BMPER: variants seen among roughly 807,000 people sequenced by gnomAD.
The protein encoded by BMPER is BMP binding endothelial regulator.
A neutral mutation model predicts 87.3 loss-of-function variants in BMPER; 45 were observed. That is an observed-to-expected ratio of 0.52 (90% CI 0.41 to 0.66). The LOEUF (loss-of-function observed/expected upper bound fraction) is 0.66, where lower values mean the gene tolerates loss of function less well. BMPER is among the 30% of genes least tolerant of loss of function. The pLI is 0.00. For missense variants in BMPER, 784 were observed against 867.5 expected, an observed-to-expected ratio of 0.90 and a Z score of 1.21; for synonymous variants, 326 against 316.2, an observed-to-expected ratio of 1.03 and a Z score of -0.33.
intron 13 of BMPER, among the ~76,000 whole-genome samples, chr7:34,130,008 AATG>A (rs2127991418): frequency 6.6e-6 from 1 of 152,158 alleles, no homozygotes; most frequent in Admixed American, 6.5e-5. Context: ...GGCTACTAGC[AATG>A]ATAAGTGAAT....
chr7:34,084,576 A>G (rs1385742454), intron 12 of BMPER, among the ~76,000 whole-genome samples: 2 of 152,324 alleles, frequency 1.3e-5, no homozygotes, highest in African/African-American at 4.8e-5. Context: ...CACATTTGAG[A>G]CATAAACAAA....
intron 6 of BMPER, among the ~76,000 whole-genome samples, chr7:34,020,900 A>G (rs1342358170): frequency 6.6e-6 from 1 of 150,624 alleles, no homozygotes; most frequent in South Asian, 2.1e-4. Flanking sequence ...ACGCACGCAC[A>G]CACACATATG....
Position 34,155,897 on chromosome 7 carries a change from C to T in BMPER, c.*2624C>T, listed in dbSNP as rs1030288128. 27 of 152,160 alleles carry T rather than the reference C, an allele frequency of 1.8e-4. No homozygotes were observed. The highest frequency in any genetic ancestry group is 4.6e-4 in the African/African-American group (19 of 41,436). The allele number at this position is 152,160 out of a possible 1,614,324, so 9.4% of individuals were successfully genotyped here. ...GAATTTGATGAGAAACAAGCACCCTCAATGAAGAACAAGCATAATTATGAT... is the reference window on the plus strand; with the variant it reads ...GAATTTGATGAGAAACAAGCACCCTTAATGAAGAACAAGCATAATTATGAT... On this transcript the variant is annotated 3_prime_UTR_variant, in exon 15 of 15. Coordinates refer to ENST00000649409, the MANE Select transcript of BMPER (RefSeq NM_001365308.1).
At chr7:34,002,646 A>C (rs1258672408) in intron 6 of BMPER, among the ~76,000 whole-genome samples, 2 of 151,626 alleles carry the variant, frequency 1.3e-5, no homozygotes, top group Non-Finnish European at 3.0e-5. Context: ...TTATTTTTGT[A>C]GTTTCTTTCT....
intron 13 of BMPER, among the ~76,000 whole-genome samples, chr7:34,116,944 G>A (rs1333917877): frequency 1.3e-5 from 2 of 151,548 alleles, no homozygotes; most frequent in Non-Finnish European, 2.9e-5. Flanking sequence ...ATCTGAGATC[G>A]CTCCACTGCA....
upstream of BMPER, chr7:33,905,486 C>T (rs1783785234): frequency 2.4e-6 from 3 of 1,260,880 alleles, no homozygotes; most frequent in Non-Finnish European, 3.2e-6. Context: ...CTCGGGCGCC[C>T]GCCTCCCTCC....
intron 6 of BMPER, among the ~76,000 whole-genome samples, chr7:33,996,496 C>T (rs1786415566): frequency 6.6e-6 from 1 of 152,182 alleles, no homozygotes; most frequent in African/African-American, 2.4e-5. Context: ...AATTATTGCC[C>T]TTCATACAGA....
At chr7:34,086,275 G>T (rs1212216636) in intron 13 of BMPER, among the ~76,000 whole-genome samples, 183 bp downstream of exon 13, 1 of 152,158 alleles carries the variant, frequency 6.6e-6, no homozygotes, top group East Asian at 1.9e-4. Flanking sequence ...CCCAAATTGG[G>T]AAATTCAAAG....
intron 7 of BMPER, among the ~76,000 whole-genome samples, chr7:34,049,414 GTCAA>G (rs1320991494): frequency 6.6e-6 from 1 of 152,160 alleles, no homozygotes; most frequent in African/African-American, 2.4e-5. Context: ...GAGTCTGTTT[GTCAA>G]TCAGTCAATA....
intron 13 of BMPER, 82 bp from the exon 14 acceptor site, chr7:34,143,142 CCCATCT>C: frequency 1.3e-6 from 2 of 1,580,148 alleles, no homozygotes; most frequent in Non-Finnish European, 1.7e-6. Flanking sequence ...ATCAGGTTTT[CCCATCT>C]ACGACCCTTT....
At chr7:33,922,445 G>C (rs1784256793) in intron 2 of BMPER, among the ~76,000 whole-genome samples, 1 of 152,198 alleles carries the variant, frequency 6.6e-6, no homozygotes, top group East Asian at 1.9e-4. Context: ...ATGGCAGTTA[G>C]ACATTTGCAG....
chr7:34,030,153 A>G (rs182909650), intron 6 of BMPER, among the ~76,000 whole-genome samples: 2 of 152,188 alleles, frequency 1.3e-5, no homozygotes, highest in East Asian at 3.9e-4. Context: ...TATCATATAT[A>G]TATAGGTGGG....
At chr7:33,942,795 T>A (rs1784800229) in intron 3 of BMPER, among the ~76,000 whole-genome samples, 1 of 152,182 alleles carries the variant, frequency 6.6e-6, no homozygotes, top group African/African-American at 2.4e-5. Context: ...TTTGCTGTCT[T>A]CCTATTTTGA....
At chr7:34,092,134 C>A (rs968839799) in intron 13 of BMPER, among the ~76,000 whole-genome samples, 1 of 152,138 alleles carries the variant, frequency 6.6e-6, no homozygotes, top group Non-Finnish European at 1.5e-5. Flanking sequence ...CACTTACAGT[C>A]AAAGTGTGCA....
intron 6 of BMPER, among the ~76,000 whole-genome samples, chr7:33,987,906 G>A (rs1405345168): frequency 6.6e-6 from 1 of 152,154 alleles, no homozygotes; most frequent in Non-Finnish European, 1.5e-5. Context: ...GGCAAAAGGA[G>A]GAGGTACCAG....
rs370292674 is a variant in BMPER, at chr7:33,937,406, C to T, written c.319+18C>T. On this transcript the variant is annotated intron_variant, in intron 3 of 14. Transcript: ENST00000649409. ...GTGCAAAGGTGATTGATGTCTTGGC[C>T]GTCTTCTCTTCTGGCTGCTGCTTCA... The T allele has an allele frequency of 8.8e-5, 141 of 1,608,368 alleles. 1 individual carries two copies. Among genetic ancestry groups the T allele is most frequent in the Middle Eastern group, 1.7e-4 (1 of 6,028 alleles).
chr7:34,077,799 A>T (rs868749883), intron 11 of BMPER, among the ~76,000 whole-genome samples: 42 of 152,292 alleles, frequency 2.8e-4, no homozygotes, highest in Admixed American at 3.3e-4. Flanking sequence ...TTCTTCCCTT[A>T]GATATTCTGA....
chr7:33,931,142 A>C (rs1244791135), intron 2 of BMPER, among the ~76,000 whole-genome samples: 1 of 152,240 alleles, frequency 6.6e-6, no homozygotes, highest in East Asian at 1.9e-4. Context: ...ACGTGGCAGG[A>C]GACCTCGCCT....
At position 33,970,364 on chromosome 7, in the gene BMPER, T is replaced by C. The variant is rs1785511725; in HGVS notation, c.438T>C (p.Val146=). 6.2e-7 allele frequency: 1 copy of C among 1,614,170 alleles called. No homozygotes were observed. The highest frequency in any genetic ancestry group is 2.2e-5 in the East Asian group (1 of 44,874). The stretch of plus-strand genomic sequence containing the variant: ...TCACAGAGTCTGGGGTGCGCTGTGT[T>C]GTTCATTGTAAAAACCCTTTGGAGC... ...GVVTESGVRC[V]VHCKNPLEHL... The change falls in exon 5 of 15, where the codon GTT becomes GTC. Residue 146 remains valine (V), a synonymous_variant. Coordinates refer to ENST00000649409, the MANE Select transcript of BMPER (RefSeq NM_001365308.1).
Sources: allele counts gnomAD v4.1 joint callset (sites outside exome capture counted in the v4.1 genomes callset), GRCh38; gene constraint gnomAD v4.1.1; transcripts MANE v1.5; gene names NCBI Gene and HGNC (gene_info 2026-07-23, HGNC 2026-07-21).